Variants in NBEA observed in about 807,000 individuals in gnomAD.
NBEA encodes the protein lysosomal-trafficking regulator 2.
A neutral mutation model predicts 343.4 loss-of-function variants in NBEA; 44 were observed. That is an observed-to-expected ratio of 0.13 (90% CI 0.10 to 0.16). NBEA has a LOEUF of 0.16. NBEA is among the 10% of genes least tolerant of loss of function. The pLI is 1.00. For missense variants in NBEA, 2,555 were observed against 3,631.3 expected, an observed-to-expected ratio of 0.70 and a Z score of 7.62; for synonymous variants, 1,175 against 1,238.7, an observed-to-expected ratio of 0.95 and a Z score of 1.08.
chr13:35,559,776 C>T (rs1024769944), intron 44 of NBEA, among the ~76,000 whole-genome samples: 13 of 151,610 alleles, frequency 8.6e-5, no homozygotes, highest in Admixed American at 6.6e-4. Context: ...ATTAGCTGGG[C>T]GTGGTAGCGG....
At chr13:35,436,072 A>T in intron 39 of NBEA, among the ~76,000 whole-genome samples, 1 of 152,244 alleles carries the variant, frequency 6.6e-6, no homozygotes, top group South Asian at 2.1e-4. Flanking sequence ...AAAAAAAAAA[A>T]GAATGGACTC....
intron 36 of NBEA, among the ~76,000 whole-genome samples, chr13:35,330,137 T>C (rs2038835194): frequency 6.6e-6 from 1 of 152,056 alleles, no homozygotes; most frequent in Non-Finnish European, 1.5e-5. Context: ...TTCTGTGCCT[T>C]TGAGCAAGTT....
At chr13:35,649,962 C>CAG (rs2084436945) in intron 52 of NBEA, 115 bp downstream of exon 52, 1 of 1,040,578 alleles carries the variant, frequency 9.6e-7, no homozygotes, top group African/African-American at 1.6e-5. Flanking sequence ...CAAAAAACAG[C>CAG]AGACTAAATA....
At chr13:35,042,147 C>G (rs542048230) in intron 2 of NBEA, among the ~76,000 whole-genome samples, 26 of 151,748 alleles carry the variant, frequency 1.7e-4, no homozygotes, top group African/African-American at 6.3e-4. Flanking sequence ...TGCAGAATTG[C>G]AAAAAGCATG....
Position 35,208,794 on chromosome 13 carries a change from A to C in NBEA, c.5461A>C (p.Ser1821Arg), listed in dbSNP as rs895427302. 6.2e-7 allele frequency: 1 copy of C among 1,610,718 alleles called. No individual in the cohort carries two copies. Among genetic ancestry groups the C allele is most frequent in the Non-Finnish European group, 8.5e-7 (1 of 1,178,036 alleles). Reference protein sequence around the residue: ...TTAGSGLPTGSTSNIFAATGA... With the variant: ...TTAGSGLPTGRTSNIFAATGA... Reference sequence around the variant, plus strand: ...TGCTGGAAGTGGGCTGCCAACAGGCAGTACCTCTAATATATTTGCTGCTAC... The same window carrying C: ...TGCTGGAAGTGGGCTGCCAACAGGCCGTACCTCTAATATATTTGCTGCTAC... The change falls in exon 32 of 59, where the codon AGT becomes CGT. Residue 1821 changes from serine (S) to arginine (R), a missense_variant. This residue lies in a region of NBEA where 270 missense variants were observed against 293.3 expected (regional missense o/e 0.92). Transcript: ENST00000379939.
At chr13:35,643,559 G>A (rs1330024712) in intron 49 of NBEA, among the ~76,000 whole-genome samples, 1 of 152,162 alleles carries the variant, frequency 6.6e-6, no homozygotes, top group Non-Finnish European at 1.5e-5. Flanking sequence ...TAGAATCTCT[G>A]TTAAGACTAA....
At chr13:35,498,656 A>G (rs2076774893) in intron 41 of NBEA, among the ~76,000 whole-genome samples, 1 of 152,108 alleles carries the variant, frequency 6.6e-6, no homozygotes, top group Admixed American at 6.6e-5. Flanking sequence ...TGCACAATGA[A>G]AATATTTTTG....
intron 46 of NBEA, among the ~76,000 whole-genome samples, chr13:35,589,802 C>G (rs187478617): frequency 3.9e-5 from 6 of 152,122 alleles, no homozygotes; most frequent in Admixed American, 3.3e-4. Context: ...CAGGTACTTT[C>G]CAGTGCAGGC....
intron 46 of NBEA, among the ~76,000 whole-genome samples, chr13:35,588,476 T>C (rs989561337): frequency 2.0e-5 from 3 of 152,310 alleles, no homozygotes; most frequent in East Asian, 1.9e-4. Flanking sequence ...ATTAAACTTG[T>C]TATTTGTTTC....
At chr13:35,483,328 A>T (rs1374592052) in intron 41 of NBEA, among the ~76,000 whole-genome samples, 1 of 151,972 alleles carries the variant, frequency 6.6e-6, no homozygotes, top group Non-Finnish European at 1.5e-5. Flanking sequence ...TAATGTTTCT[A>T]GCTTTATGGC....
chr13:35,472,833 T>C (rs990000986), intron 41 of NBEA, among the ~76,000 whole-genome samples: 1 of 152,240 alleles, frequency 6.6e-6, no homozygotes, highest in African/African-American at 2.4e-5. Flanking sequence ...GGGCCCAGAA[T>C]CTCAGGCTCT....
rs765380570 is a variant in NBEA, at chr13:35,160,003, C to G, written c.3832C>G (p.Arg1278Gly). Reference sequence around the variant, plus strand: ...TGGCAAAGAATCAGGAAAAGAAATCCGAAAAATCCAAACAACTACTACGAC... The same window carrying G: ...TGGCAAAGAATCAGGAAAAGAAATCGGAAAAATCCAAACAACTACTACGAC... ...DDGKESGKEI[R>G]KIQTTTTTQA... Residue 1278 changes from arginine to glycine, a missense_variant, in exon 22 of 59, where the codon CGA becomes GGA. This residue lies in a region of NBEA where 367 missense variants were observed against 377.5 expected (regional missense o/e 0.97). Coordinates refer to ENST00000379939, the MANE Select transcript of NBEA (RefSeq NM_001385012.1). 1 of 1,585,840 alleles carries G rather than the reference C, an allele frequency of 6.3e-7. No individual in the cohort carries two copies. The highest frequency in any genetic ancestry group is 1.2e-5 in the South Asian group (1 of 85,664).
chr13:35,260,733 G>A (rs547442544), intron 34 of NBEA, among the ~76,000 whole-genome samples: 5 of 152,306 alleles, frequency 3.3e-5, no homozygotes, highest in African/African-American at 1.2e-4. Context: ...AAATATGACC[G>A]TGGACCTTTA....
chr13:35,670,881 T>C lies in NBEA; in HGVS notation c.8814-20T>C. 6.5e-7 allele frequency: 1 copy of C among 1,527,240 alleles called. No individual in the cohort carries two copies. Among genetic ancestry groups the C allele is most frequent in the African/African-American group, 1.4e-5 (1 of 73,368 alleles). The allele number at this position is 1,527,240 out of a possible 1,614,324, so 94.6% of individuals were successfully genotyped here. A position where few individuals can be genotyped will look rare whatever the true frequency, so the allele number is the denominator to read the frequency against. The stretch of plus-strand genomic sequence containing the variant: ...GAAATGATTTTATATCACTCTTAAC[T>C]GCTGTTTCTGCTTTTCCAGGACTCT... On this transcript the variant is annotated intron_variant, in intron 58 of 58. Transcript: ENST00000379939.
Position 35,196,198 on chromosome 13 carries a change from A to T in NBEA, c.5262A>T (p.Pro1754=), listed in dbSNP as rs768658110. 6.2e-7 allele frequency: 1 copy of T among 1,613,488 alleles called. No individual in the cohort carries two copies. The highest frequency in any genetic ancestry group is 8.5e-7 in the Non-Finnish European group (1 of 1,179,738). ...KEILKSLVAA[P]VEIAECGPEP... is the part of the protein sequence containing the mutation. ...TACTGAAAAGTCTTGTGGCTGCTCC[A>T]GTTGAAATAGCAGAATGTGGCCCTG... Residue 1754 remains proline (P), a synonymous_variant, in exon 31 of 59, where the codon CCA becomes CCT. Transcript: ENST00000379939.
intron 41 of NBEA, among the ~76,000 whole-genome samples, chr13:35,520,466 G>T (rs1464912254): frequency 1.3e-5 from 2 of 152,164 alleles, no homozygotes; most frequent in Non-Finnish European, 2.9e-5. Flanking sequence ...CACTGAGAAA[G>T]TTTTTATAGG....
At chr13:35,288,976 T>C (rs1370800524) in intron 34 of NBEA, among the ~76,000 whole-genome samples, 1 of 151,946 alleles carries the variant, frequency 6.6e-6, no homozygotes, top group African/African-American at 2.4e-5. Context: ...TTTCATTAGT[T>C]AACTGTCTGC....
chr13:35,475,645 C>G, intron 41 of NBEA: 2 of 1,613,930 alleles, frequency 1.2e-6, no homozygotes, highest in Non-Finnish European at 1.7e-6. Context: ...CACCACGTAC[C>G]TATCTCGGAT....
At chr13:35,095,750 C>T (rs1391987208) in intron 10 of NBEA, among the ~76,000 whole-genome samples, 1 of 151,878 alleles carries the variant, frequency 6.6e-6, no homozygotes, top group Non-Finnish European at 1.5e-5. Flanking sequence ...ACATAATAAT[C>T]AGCATACTTT....
Sources: allele counts gnomAD v4.1 joint callset (sites outside exome capture counted in the v4.1 genomes callset), GRCh38; gene constraint gnomAD v4.1.1; regional missense constraint gnomAD v4.1.1; transcripts MANE v1.5; gene names NCBI Gene and HGNC (gene_info 2026-07-23, HGNC 2026-07-21).